TENM3: variants seen among roughly 807,000 people sequenced by gnomAD.
The protein encoded by TENM3 is teneurin transmembrane protein 3, also known as teneurin-3.
TENM3 carries 63 observed loss-of-function variants against 255.1 expected under a neutral mutation model. The observed-to-expected ratio is 0.25, with a 90% CI of 0.20 to 0.30. The LOEUF (loss-of-function observed/expected upper bound fraction) is 0.30, where lower values mean the gene tolerates loss of function less well. TENM3 is among the 10% of genes least tolerant of loss of function. The probability of loss-of-function intolerance (pLI) is 1.00; values close to 1 mark genes in which losing one functional copy is unlikely to be tolerated. For synonymous variants in TENM3, 1,306 were observed against 1,322.3 expected, an observed-to-expected ratio of 0.99 and a Z score of 0.27; for missense variants, 2,929 against 3,461.1, an observed-to-expected ratio of 0.85 and a Z score of 3.86.
intron 4 of TENM3, among the ~76,000 whole-genome samples, chr4:182,616,672 G>A (rs1389605382): frequency 6.6e-6 from 1 of 151,764 alleles, no homozygotes; most frequent in Non-Finnish European, 1.5e-5. Context: ...ATTCCCAGCA[G>A]CCTCTGCAGT....
At chr4:182,621,631 T>C (rs1169434182) in intron 4 of TENM3, among the ~76,000 whole-genome samples, 2 of 40,614 alleles carry the variant, frequency 4.9e-5, no homozygotes, top group East Asian at 4.4e-4. Flanking sequence ...ATATAAAATA[T>C]ATAATATATA....
the TENM3 span, among the ~76,000 whole-genome samples, chr4:181,463,048 T>C: frequency 6.6e-6 from 1 of 152,198 alleles, no homozygotes; most frequent in Non-Finnish European, 1.5e-5. Context: ...TTCAAGACCA[T>C]TGGTAACGTG....
chr4:181,765,581 C>T, the TENM3 span, among the ~76,000 whole-genome samples: 1 of 152,110 alleles, frequency 6.6e-6, no homozygotes, highest in East Asian at 1.9e-4. Flanking sequence ...AAGAAGCAAA[C>T]TGTTGTCAAT....
At chr4:182,070,607 A>G in the TENM3 span, among the ~76,000 whole-genome samples, 1 of 152,212 alleles carries the variant, frequency 6.6e-6, no homozygotes, top group South Asian at 2.1e-4. Flanking sequence ...ACAGAGTGAG[A>G]CTCTGTGTCA....
At chr4:182,134,800 G>A in the TENM3 span, among the ~76,000 whole-genome samples, 3 of 152,238 alleles carry the variant, frequency 2.0e-5, no homozygotes, top group Non-Finnish European at 2.9e-5. Flanking sequence ...GGAGCTTGCT[G>A]TATTTCAATA....
chr4:182,664,390 T>C (rs1359034155), intron 6 of TENM3, among the ~76,000 whole-genome samples: 1 of 152,234 alleles, frequency 6.6e-6, no homozygotes, highest in Admixed American at 6.5e-5. Context: ...GTGTTCTGAC[T>C]GCTCCGTGAC....
intron 8 of TENM3, 52 bp downstream of exon 8, chr4:182,679,928 G>T (rs1432564532): frequency 3.4e-6 from 5 of 1,478,394 alleles, no homozygotes; most frequent in Non-Finnish European, 3.7e-6. Flanking sequence ...TAAACGCCGT[G>T]TTTAATAAAA....
intron 3 of TENM3, among the ~76,000 whole-genome samples, chr4:182,449,514 T>C (rs1773275143): frequency 6.6e-6 from 1 of 152,120 alleles, no homozygotes; most frequent in Non-Finnish European, 1.5e-5. Context: ...GAGGCAAAGC[T>C]GCCCTTTTGC....
the TENM3 span, among the ~76,000 whole-genome samples, chr4:181,560,779 G>A: frequency 2.0e-5 from 3 of 152,120 alleles, no homozygotes; most frequent in Non-Finnish European, 2.9e-5. Flanking sequence ...CCGGGAAGGC[G>A]TGCCCAGCAC....
chr4:181,468,657 T>A, the TENM3 span, among the ~76,000 whole-genome samples: 2 of 152,208 alleles, frequency 1.3e-5, no homozygotes, highest in Non-Finnish European at 2.9e-5. Flanking sequence ...ATGCCCAGGA[T>A]CTATAGCAGA....
the TENM3 span, among the ~76,000 whole-genome samples, chr4:181,564,262 AG>A: frequency 6.6e-6 from 1 of 152,080 alleles, no homozygotes; most frequent in Non-Finnish European, 1.5e-5. Context: ...TCTATATTTT[AG>A]GATAGGACTG....
intron 22 of TENM3, among the ~76,000 whole-genome samples, chr4:182,763,174 CTT>C (rs1387685614): frequency 6.6e-6 from 1 of 152,094 alleles, no homozygotes; most frequent in Admixed American, 6.5e-5. Context: ...GGCTGAAAAA[CTT>C]ATAGTGTATT....
At chr4:181,636,892 C>T in the TENM3 span, among the ~76,000 whole-genome samples, 1 of 152,192 alleles carries the variant, frequency 6.6e-6, no homozygotes, top group Non-Finnish European at 1.5e-5. Context: ...TCATGCCCTG[C>T]ATCCTTTACA....
At chr4:181,560,237 G>T in the TENM3 span, among the ~76,000 whole-genome samples, 1 of 152,026 alleles carries the variant, frequency 6.6e-6, no homozygotes, top group Non-Finnish European at 1.5e-5. Flanking sequence ...AGGAGTGAGG[G>T]AGCTCTGTTT....
chr4:182,338,093 A>G (rs775593965), intron 2 of TENM3, among the ~76,000 whole-genome samples: 1 of 152,144 alleles, frequency 6.6e-6, no homozygotes, highest in Non-Finnish European at 1.5e-5. Context: ...GTCACTGCCT[A>G]TGAAATTTAC....
At chr4:182,114,329 T>A in the TENM3 span, among the ~76,000 whole-genome samples, 3 of 151,450 alleles carry the variant, frequency 2.0e-5, no homozygotes, top group Non-Finnish European at 4.4e-5. Context: ...GTCTGAGAAT[T>A]TTTGACAACT....
the TENM3 span, among the ~76,000 whole-genome samples, chr4:181,784,495 T>C: frequency 5.3e-5 from 8 of 152,168 alleles, no homozygotes; most frequent in African/African-American, 1.9e-4. Flanking sequence ...CAAGTGAGAC[T>C]GGTGAATAGT....
chr4:181,605,486 GAAAGAAAGAAAGAAAGAAAGAAAGAA>G, the TENM3 span, among the ~76,000 whole-genome samples: 4 of 17,144 alleles, frequency 2.3e-4, no homozygotes, highest in Non-Finnish European at 4.1e-4. Flanking sequence ...AACAGAGAAA[GAAAGAAAGAAAGAAAGAAAGAAAGAA>G]AGAAAGAAAG....
intron 6 of TENM3, among the ~76,000 whole-genome samples, chr4:182,665,771 C>T (rs1754619902): frequency 6.6e-6 from 1 of 152,096 alleles, no homozygotes; most frequent in African/African-American, 2.4e-5. Flanking sequence ...TGGCGGGCAC[C>T]TGTAGTCCCA....
Sources: gnomAD v4.1 joint callset for allele counts (sites outside exome capture counted in the v4.1 genomes callset) on GRCh38, gnomAD v4.1.1 for gene constraint, MANE v1.5 for transcripts, NCBI Gene and HGNC (gene_info 2026-07-23, HGNC 2026-07-21) for gene names.